Variants in VAPA observed in about 807,000 individuals in gnomAD.
VAPA encodes the protein VAMP associated protein A, also known as vesicle-associated membrane protein-associated protein A.
In VAPA, 6 loss-of-function variants were observed where a neutral mutation model predicts 25.6. The observed-to-expected ratio is 0.23, with a 90% confidence interval of 0.13 to 0.46. The LOEUF (loss-of-function observed/expected upper bound fraction) is 0.46. Ranked by LOEUF, VAPA falls within the 20% of genes least tolerant of loss-of-function variation. VAPA has a pLI of 0.99. For synonymous variants in VAPA, 112 were observed against 106.2 expected (o/e 1.05, Z -0.34); for missense variants, 244 against 302.1 (o/e 0.81, Z 1.43).
chr18:9,955,709 A>G lies in VAPA; in HGVS notation c.*1498A>G, dbSNP rs909374639. On this transcript the variant is annotated 3_prime_UTR_variant, in exon 6 of 6. Transcript: ENST00000400000. ...GTATTTTGGTTGCCTTTTCATTTCA[A>G]CTGTGTTTTGAATTTGTCAGATCAC... is the stretch of plus-strand genomic sequence containing the variant. 1 of 152,160 alleles carries G rather than the reference A, an allele frequency of 6.6e-6. No individual in the cohort carries two copies. The highest frequency in any genetic ancestry group is 2.4e-5 in the African/African-American group (1 of 41,442). The allele number at this position is 152,160 out of a possible 1,614,324, so 9.4% of individuals were successfully genotyped here. A position where few individuals can be genotyped will look rare whatever the true frequency, so the allele number is the denominator to read the frequency against.
chr18:9,922,180 G>T (rs1384456958), intron 1 of VAPA, among the ~76,000 whole-genome samples: 1 of 151,874 alleles, frequency 6.6e-6, no homozygotes, highest in Non-Finnish European at 1.5e-5. Flanking sequence ...ATTTTGCCCA[G>T]CCAGATCTTG....
Position 9,955,306 on chromosome 18 carries a change from G to T in VAPA, c.*1095G>T, listed in dbSNP as rs1325778701. ...AAATAATGTTCATTATGGAAGTTTG[G>T]TAATACTGAGCAAGCCTGTGGAATT... is the stretch of plus-strand genomic sequence containing the variant. On this transcript the variant is annotated 3_prime_UTR_variant, in exon 6 of 6. Transcript: ENST00000400000. 1 of 152,132 alleles carries T rather than the reference G, an allele frequency of 6.6e-6. No homozygotes were observed. The highest frequency in any genetic ancestry group is 1.5e-5 in the Non-Finnish European group (1 of 68,010). 9.4% of individuals were successfully genotyped at this position (152,132 alleles called of 1,614,324 possible). A position where few individuals can be genotyped will look rare whatever the true frequency, so the allele number is the denominator to read the frequency against.
In VAPA at chr18:9,944,801, T is replaced by C. The variant is rs555476694; in HGVS notation, c.418-5594T>C. Reference sequence around the variant, plus strand: ...ATTAGTATTGTTTCTTATGCATTAATGCATTTTTATAAAGTGTTAATGTTT... The same window carrying C: ...ATTAGTATTGTTTCTTATGCATTAACGCATTTTTATAAAGTGTTAATGTTT... On this transcript the variant is annotated intron_variant, in intron 4 of 5. Coordinates refer to ENST00000400000, the MANE Select transcript of VAPA (RefSeq NM_194434.3). 15 of 1,198,906 alleles carry C rather than the reference T, an allele frequency of 1.3e-5. No homozygotes were observed. In the African/African-American group the frequency reaches 2.1e-4, roughly 17 times the overall value. The allele number at this position is 1,198,906 out of a possible 1,614,324, so 74.3% of individuals were successfully genotyped here.
At chr18:9,932,358 G>C (rs556220622) in intron 2 of VAPA, among the ~76,000 whole-genome samples, 1 of 152,278 alleles carries the variant, frequency 6.6e-6, no homozygotes, top group African/African-American at 2.4e-5. Flanking sequence ...TTAAAAAGGT[G>C]CAATGCCACT....
At chr18:9,949,238 G>C (rs994122667) in intron 4 of VAPA, 4 of 152,152 alleles carry the variant, frequency 2.6e-5, no homozygotes, top group Non-Finnish European at 4.4e-5. Flanking sequence ...ATTGAAGTAG[G>C]CTGCTTTAAA....
At position 9,936,140 on chromosome 18, in the gene VAPA, A is replaced by T; in HGVS notation, c.263A>T (p.Asn88Ile). 1 of 1,608,642 alleles carries T rather than the reference A, an allele frequency of 6.2e-7. No individual in the cohort carries two copies. Among genetic ancestry groups the T allele is most frequent in the Non-Finnish European group, 8.5e-7 (1 of 1,177,420 alleles). ...CTACAGCCCTTTGACTATGATCCGA[A>T]TGAAAAGAGTAAACACAAGTTTATG... is the stretch of plus-strand genomic sequence containing the variant. The part of the protein sequence containing the change: ...VMLQPFDYDP[N>I]EKSKHKFMVQ... The change falls in exon 3 of 6, where the codon AAT becomes ATT. Residue 88 changes from asparagine (N) to isoleucine (I), a missense_variant. Asn to Ile is a moderately radical substitution (Grantham distance 149). Around this residue, in one of 2 missense-constraint regions of VAPA, gnomAD observed 99 missense variants for 161.6 expected, o/e 0.61. Coordinates refer to ENST00000400000, the MANE Select transcript of VAPA (RefSeq NM_194434.3).
At chr18:9,932,316 A>G (rs2069263829) in intron 2 of VAPA, among the ~76,000 whole-genome samples, 1 of 152,228 alleles carries the variant, frequency 6.6e-6, no homozygotes, top group South Asian at 2.1e-4. Flanking sequence ...TACACATTGC[A>G]TGCAGCTATA....
chr18:9,937,896 T>C (rs2069327602), intron 4 of VAPA, among the ~76,000 whole-genome samples: 1 of 152,182 alleles, frequency 6.6e-6, no homozygotes, highest in South Asian at 2.1e-4. Flanking sequence ...GTGGGCTCAG[T>C]TATTGTGTTC....
chr18:9,915,246 C>T (rs1555614579), intron 1 of VAPA, among the ~76,000 whole-genome samples: 2 of 152,128 alleles, frequency 1.3e-5, no homozygotes, highest in Non-Finnish European at 2.9e-5. Flanking sequence ...TTTACGTTTG[C>T]GGTTTCCGAC....
chr18:9,928,409 C>A (rs866894514), intron 1 of VAPA, among the ~76,000 whole-genome samples: 2 of 152,074 alleles, frequency 1.3e-5, no homozygotes, highest in Admixed American at 6.6e-5. Context: ...GGCTAGCATT[C>A]GGCAAAGTGC....
At chr18:9,943,840 C>CTTTTTTTTTTT (rs1281083775) in intron 4 of VAPA, among the ~76,000 whole-genome samples, 2 of 90,446 alleles carry the variant, frequency 2.2e-5, no homozygotes, top group South Asian at 3.3e-4. Context: ...GACATATTTC[C>CTTTTTTTTTTT]CTTTTTTTTT....
chr18:9,932,318 G>A (rs1448249052), intron 2 of VAPA, among the ~76,000 whole-genome samples: 3 of 152,182 alleles, frequency 2.0e-5, no homozygotes, highest in Non-Finnish European at 4.4e-5. Context: ...CACATTGCAT[G>A]CAGCTATAGA....
intron 1 of VAPA, chr18:9,924,108 G>C (rs1187953982): frequency 6.6e-6 from 1 of 151,482 alleles, no homozygotes; most frequent in Non-Finnish European, 1.5e-5. Flanking sequence ...TTTGTATTTT[G>C]TATGTTTTTA....
chr18:9,934,156 C>T (rs183810051), intron 2 of VAPA, among the ~76,000 whole-genome samples: 1 of 152,354 alleles, frequency 6.6e-6, no homozygotes, highest in Admixed American at 6.5e-5. Flanking sequence ...CAAAGCTATG[C>T]TTCTTCCAAC....
At chr18:9,946,626 T>G (rs74832031) in intron 4 of VAPA, among the ~76,000 whole-genome samples, 3,648 of 151,988 alleles carry the variant, frequency 0.024, 55 homozygotes, top group Middle Eastern at 0.071. Context: ...AAATATGGCA[T>G]AAGAGATAAA....
chr18:9,916,888 A>G (rs2143272071), intron 1 of VAPA, among the ~76,000 whole-genome samples: 1 of 152,360 alleles, frequency 6.6e-6, no homozygotes, highest in East Asian at 1.9e-4. Flanking sequence ...GGAGTGACTC[A>G]GGTAATCATT....
chr18:9,943,975 C>T (rs1386459950), intron 4 of VAPA, among the ~76,000 whole-genome samples: 1 of 149,732 alleles, frequency 6.7e-6, no homozygotes, highest in East Asian at 2.0e-4. Flanking sequence ...GTTCTCCTGC[C>T]TCAGCCTCTC....
At chr18:9,925,053 C>G (rs988795740) in intron 1 of VAPA, 16 of 152,084 alleles carry the variant, frequency 1.1e-4, no homozygotes, top group African/African-American at 3.9e-4. Flanking sequence ...CAATACTACA[C>G]TGTATGAAAA....
At position 9,925,592 on chromosome 18, in the gene VAPA, G is replaced by A. The variant is rs185077220; in HGVS notation, c.80-6218G>A. The stretch of plus-strand genomic sequence containing the variant: ...AGTTGCTGGGGATACAGCAGCTAAC[G>A]AAACAAAGACCTATTCATGGAGCTT... On this transcript the variant is annotated intron_variant, in intron 1 of 5. Coordinates refer to ENST00000400000, the MANE Select transcript of VAPA (RefSeq NM_194434.3). Among the ~76,000 whole-genome samples the A allele has an allele frequency of 1.6e-4, 24 of 152,016 alleles. No homozygotes were observed. In the East Asian group the frequency reaches 3.7e-3, roughly 23 times the overall value.
Sources: gnomAD v4.1 joint callset for allele counts (sites outside exome capture counted in the v4.1 genomes callset) on GRCh38, gnomAD v4.1.1 for gene constraint, gnomAD v4.1.1 regional missense constraint, MANE v1.5 for transcripts, NCBI Gene and HGNC (gene_info 2026-07-23, HGNC 2026-07-21) for gene names.